Variants in MKLN1 observed in about 807,000 individuals in gnomAD.
The protein encoded by MKLN1 is muskelin.
In MKLN1, 18 loss-of-function variants were observed where a neutral mutation model predicts 99.0. That is an observed-to-expected ratio of 0.18 (90% CI 0.13 to 0.27). The LOEUF is 0.27. Ranked by LOEUF, MKLN1 falls within the 10% of genes least tolerant of loss-of-function variation. The pLI is 1.00. For synonymous variants in MKLN1, 288 were observed against 293.2 expected (o/e 0.98, Z 0.18); for missense variants, 621 against 875.9 (o/e 0.71, Z 3.67).
chr7:131,414,856 C>T lies in MKLN1; in HGVS notation c.847+146C>T, dbSNP rs926761553. 3.2e-5 allele frequency: 15 copies of T among 467,018 alleles called. No homozygotes were observed. In the Admixed American group the frequency reaches 3.3e-4, roughly 10 times the overall value. The allele number at this position is 467,018 out of a possible 1,614,324, so 28.9% of individuals were successfully genotyped here. A position where few individuals can be genotyped will look rare whatever the true frequency, so the allele number is the denominator to read the frequency against. Reference sequence around the variant, plus strand: ...TACCTAAAAAAAGTTTAACATGCGGCCTTTTATGTGTGTCTGTATGTGTGT... The same window carrying T: ...TACCTAAAAAAAGTTTAACATGCGGTCTTTTATGTGTGTCTGTATGTGTGT... On this transcript the variant is annotated intron_variant, in intron 8 of 17. Transcript: ENST00000352689.
chr7:131,466,924 C>T (rs565206299), intron 15 of MKLN1, among the ~76,000 whole-genome samples: 2 of 120,850 alleles, frequency 1.7e-5, no homozygotes, highest in African/African-American at 3.2e-5. Context: ...CACACACACA[C>T]GCGCGCGCGC....
intron 1 of MKLN1, among the ~76,000 whole-genome samples, chr7:131,344,808 AT>A (rs922492355): frequency 4.1e-4 from 61 of 147,556 alleles, no homozygotes; most frequent in African/African-American, 4.7e-4. Context: ...ATCATAAATA[AT>A]TTTTTTTTTT....
In MKLN1 at chr7:131,375,480, A is replaced by C; in HGVS notation, c.155A>C (p.Asn52Thr). The change falls in exon 2 of 18, where the codon AAC (asparagine) becomes ACC (threonine). Residue 52 changes from asparagine (N) to threonine (T), a missense_variant. Physicochemically the swap from Asn to Thr is moderately conservative, Grantham distance 65. Transcript: ENST00000352689. ...DQSSRWSSES[N>T]YPPQYLILKL... is the part of the protein sequence containing the mutation. ...TCTTCAAGATGGTCTTCAGAGAGCA[A>C]CTATCCTCCCCAGGTAAGATTACAT... is the stretch of plus-strand genomic sequence containing the variant. 6.2e-7 allele frequency: 1 copy of C among 1,606,918 alleles called. No individual in the cohort carries two copies. The highest frequency in any genetic ancestry group is 8.5e-7 in the Non-Finnish European group (1 of 1,173,644).
chr7:131,212,657 C>T (rs770033459), intron 3 of MKLN1, among the ~76,000 whole-genome samples: 1 of 152,222 alleles, frequency 6.6e-6, no homozygotes, highest in Non-Finnish European at 1.5e-5. Flanking sequence ...GGCGCAGTGG[C>T]TCACGCCTGT....
At chr7:131,171,695 T>C (rs1208819762) in intron 2 of MKLN1, among the ~76,000 whole-genome samples, 1 of 152,126 alleles carries the variant, frequency 6.6e-6, no homozygotes, top group Non-Finnish European at 1.5e-5. Flanking sequence ...TGACCTCAGG[T>C]GATCCACCCA....
intron 1 of MKLN1, among the ~76,000 whole-genome samples, chr7:131,139,669 C>CTCTGT (rs1795702160): frequency 6.6e-6 from 1 of 152,174 alleles, no homozygotes; most frequent in African/African-American, 2.4e-5. Flanking sequence ...AGATTCATCC[C>CTCTGT]TCTGTAGGTC....
At chr7:131,180,180 T>G (rs1232476900) in intron 2 of MKLN1, among the ~76,000 whole-genome samples, 1 of 152,260 alleles carries the variant, frequency 6.6e-6, no homozygotes, top group African/African-American at 2.4e-5. Flanking sequence ...TTAATCCTTT[T>G]CTGATACTCT....
At chr7:131,471,499 T>G (rs1796819697) in intron 16 of MKLN1, 1 of 152,458 alleles carries the variant, frequency 6.6e-6, no homozygotes, top group African/African-American at 2.4e-5. Context: ...AATCATTACT[T>G]TTCAGTTTTT....
At chr7:131,408,171 C>T (rs1321160102) in intron 6 of MKLN1, among the ~76,000 whole-genome samples, 1 of 152,032 alleles carries the variant, frequency 6.6e-6, no homozygotes, top group Non-Finnish European at 1.5e-5. Flanking sequence ...TTCAGGTAGT[C>T]TGGTGCCAAA....
At chr7:131,208,094 A>G (rs1796846591) in intron 3 of MKLN1, among the ~76,000 whole-genome samples, 1 of 152,192 alleles carries the variant, frequency 6.6e-6, no homozygotes, top group South Asian at 2.1e-4. Context: ...ATTATTGGGC[A>G]AAGAGAAGTA....
intron 3 of MKLN1, among the ~76,000 whole-genome samples, chr7:131,319,657 C>T (rs1201650276): frequency 1.3e-5 from 2 of 152,148 alleles, no homozygotes; most frequent in African/African-American, 2.4e-5. Context: ...GTCAACTTGT[C>T]TCTGTTTGCA....
At chr7:131,125,452 A>C (rs1353232722) in intron 1 of MKLN1, among the ~76,000 whole-genome samples, 1 of 152,234 alleles carries the variant, frequency 6.6e-6, no homozygotes, top group East Asian at 1.9e-4. Flanking sequence ...GCAAGTTAAG[A>C]GAAAATATGG....
intron 3 of MKLN1, among the ~76,000 whole-genome samples, chr7:131,285,957 CT>C (rs1554546958): frequency 0.01 from 1,213 of 117,672 alleles, 9 homozygotes; most frequent in African/African-American, 0.03. Context: ...CATCTATGGA[CT>C]TTTTTTTTTT....
intron 2 of MKLN1, among the ~76,000 whole-genome samples, chr7:131,200,354 A>G (rs1420110014): frequency 6.6e-6 from 1 of 152,238 alleles, no homozygotes; most frequent in Non-Finnish European, 1.5e-5. Flanking sequence ...AAAAAGTTTA[A>G]GTAGAAATTT....
intron 17 of MKLN1, among the ~76,000 whole-genome samples, chr7:131,484,843 A>T (rs1235618457): frequency 2.6e-5 from 4 of 151,986 alleles, no homozygotes; most frequent in African/African-American, 9.7e-5. Flanking sequence ...AAATGAGTAC[A>T]TATGATGTTG....
At chr7:131,175,235 A>G (rs1270446149) in intron 2 of MKLN1, among the ~76,000 whole-genome samples, 1 of 151,566 alleles carries the variant, frequency 6.6e-6, no homozygotes, top group Non-Finnish European at 1.5e-5. Context: ...AGAGAGATAG[A>G]ATGGATGGAT....
At chr7:131,350,037 C>T (rs1799674586) in intron 1 of MKLN1, among the ~76,000 whole-genome samples, 1 of 152,074 alleles carries the variant, frequency 6.6e-6, no homozygotes, top group African/African-American at 2.4e-5. Context: ...ACTAACGATA[C>T]TACAATGGTC....
At chr7:131,228,607 C>A (rs1230102592) in intron 3 of MKLN1, among the ~76,000 whole-genome samples, 1 of 152,138 alleles carries the variant, frequency 6.6e-6, no homozygotes, top group Admixed American at 6.6e-5. Flanking sequence ...AATAAGATCT[C>A]TTTTATGGGT....
At chr7:131,238,519 A>T (rs1416402190) in intron 3 of MKLN1, among the ~76,000 whole-genome samples, 1 of 152,236 alleles carries the variant, frequency 6.6e-6, no homozygotes, top group Non-Finnish European at 1.5e-5. Context: ...ATGACCAGTA[A>T]TGTAGAATGC....
Sources: gnomAD v4.1 joint callset for allele counts (sites outside exome capture counted in the v4.1 genomes callset) on GRCh38, gnomAD v4.1.1 for gene constraint, MANE v1.5 for transcripts, NCBI Gene and HGNC (gene_info 2026-07-23, HGNC 2026-07-21) for gene names.